Variants in GPC6 observed in about 807,000 individuals in gnomAD.
GPC6 encodes the protein glypican-6.
GPC6 carries 14 observed loss-of-function variants against 55.2 expected under a neutral mutation model. The ratio of observed to expected loss-of-function variants is 0.25; its 90% CI spans 0.17 to 0.40. GPC6 has a LOEUF of 0.40. Ranked by LOEUF, GPC6 falls within the 10% of genes least tolerant of loss-of-function variation. The pLI is 1.00. For synonymous variants in GPC6, 278 were observed against 259.6 expected (o/e 1.07, Z -0.68); for missense variants, 641 against 708.5 (o/e 0.90, Z 1.08).
chr13:94,227,599 C>A (rs773890327), intron 4 of GPC6, among the ~76,000 whole-genome samples: 1 of 152,054 alleles, frequency 6.6e-6, no homozygotes, highest in Non-Finnish European at 1.5e-5. Context: ...GTTTGTGTTC[C>A]CCACTCTATA....
At chr13:94,155,880 G>C (rs568544918) in intron 4 of GPC6, among the ~76,000 whole-genome samples, 4 of 152,110 alleles carry the variant, frequency 2.6e-5, no homozygotes, top group African/African-American at 9.7e-5. Context: ...AGGAACAAGA[G>C]GGGTAGAGAG....
intron 1 of GPC6, among the ~76,000 whole-genome samples, chr13:93,487,412 T>G (rs1381480478): frequency 3.3e-5 from 5 of 152,158 alleles, no homozygotes; most frequent in African/African-American, 9.7e-5. Context: ...TTTTCTCCTC[T>G]GTGTGTTCAT....
chr13:93,411,918 G>A (rs1250384377), intron 1 of GPC6, among the ~76,000 whole-genome samples: 2 of 151,508 alleles, frequency 1.3e-5, no homozygotes, highest in African/African-American at 4.9e-5. Flanking sequence ...CAGGAGAATT[G>A]CTTGAACCTG....
chr13:94,258,730 G>A (rs535083673), intron 4 of GPC6, among the ~76,000 whole-genome samples: 21 of 152,238 alleles, frequency 1.4e-4, no homozygotes, highest in African/African-American at 2.4e-4. Flanking sequence ...GGCTGGTTTC[G>A]TTGCAATAAT....
chr13:94,043,998 T>A (rs1377818404), intron 4 of GPC6, among the ~76,000 whole-genome samples: 1 of 151,802 alleles, frequency 6.6e-6, no homozygotes, highest in East Asian at 1.9e-4. Flanking sequence ...CTTGGTTTAT[T>A]TTAATTATTT....
At chr13:94,362,294 T>C (rs375414485) in intron 6 of GPC6, among the ~76,000 whole-genome samples, 65 of 152,320 alleles carry the variant, frequency 4.3e-4, no homozygotes, top group African/African-American at 1.5e-3. Context: ...CATGTAGCTT[T>C]ACTTGTCAGA....
At chr13:93,461,420 C>T (rs1169887475) in intron 1 of GPC6, among the ~76,000 whole-genome samples, 1 of 152,032 alleles carries the variant, frequency 6.6e-6, no homozygotes, top group East Asian at 1.9e-4. Context: ...ACTGCACTTA[C>T]AAGTAAAGTA....
At chr13:94,140,649 T>C (rs542251724) in intron 4 of GPC6, among the ~76,000 whole-genome samples, 1 of 152,268 alleles carries the variant, frequency 6.6e-6, no homozygotes, top group South Asian at 2.1e-4. Flanking sequence ...CCGAAGGCAC[T>C]GTCTTCAGCA....
chr13:94,210,780 T>C (rs1206939737), intron 4 of GPC6, among the ~76,000 whole-genome samples: 1 of 152,226 alleles, frequency 6.6e-6, no homozygotes, highest in Non-Finnish European at 1.5e-5. Context: ...ATTTATTTGG[T>C]ACTTAAAATC....
At chr13:93,302,514 T>C (rs1878716578) in intron 1 of GPC6, among the ~76,000 whole-genome samples, 1 of 152,182 alleles carries the variant, frequency 6.6e-6, no homozygotes, top group Non-Finnish European at 1.5e-5. Flanking sequence ...TGTTTGGGTA[T>C]AGTGTAAGTT....
intron 2 of GPC6, among the ~76,000 whole-genome samples, chr13:93,805,024 C>T (rs1434859274): frequency 3.3e-5 from 5 of 152,106 alleles, no homozygotes; most frequent in Admixed American, 3.3e-4. Context: ...ATCATTTTAC[C>T]TAGTAAGTAC....
At chr13:94,194,687 A>G (rs1369038995) in intron 4 of GPC6, among the ~76,000 whole-genome samples, 1 of 152,180 alleles carries the variant, frequency 6.6e-6, no homozygotes, top group East Asian at 1.9e-4. Flanking sequence ...TCAAAATCTC[A>G]CAAATCACCA....
intron 5 of GPC6, 115 bp downstream of exon 5, chr13:94,286,594 C>A (rs989896217): frequency 3.3e-6 from 3 of 908,116 alleles, no homozygotes; most frequent in African/African-American, 1.7e-5. Flanking sequence ...ATGCTGTCAG[C>A]GAGCTTTTCC....
chr13:93,624,996 T>C (rs975029726), intron 2 of GPC6, among the ~76,000 whole-genome samples: 1 of 152,226 alleles, frequency 6.6e-6, no homozygotes, highest in Non-Finnish European at 1.5e-5. Flanking sequence ...TCTATGACAT[T>C]ATTTGTCCTT....
chr13:94,361,466 C>T (rs1429323986), intron 6 of GPC6, among the ~76,000 whole-genome samples: 1 of 152,232 alleles, frequency 6.6e-6, no homozygotes, highest in Non-Finnish European at 1.5e-5. Context: ...GTTTTATAAA[C>T]TTTGTCTTCC....
At chr13:94,234,702 T>G (rs557074462) in intron 4 of GPC6, among the ~76,000 whole-genome samples, 1 of 152,130 alleles carries the variant, frequency 6.6e-6, no homozygotes, top group South Asian at 2.1e-4. Flanking sequence ...TTTCCAGTGT[T>G]TCAGGAAGTT....
At chr13:93,878,164 C>A (rs1300445095) in intron 3 of GPC6, among the ~76,000 whole-genome samples, 1 of 151,934 alleles carries the variant, frequency 6.6e-6, no homozygotes, top group Admixed American at 6.6e-5. Context: ...AAAAGAGGAG[C>A]AGTACTATGG....
chr13:93,574,353 G>C (rs944931449), intron 2 of GPC6, among the ~76,000 whole-genome samples: 4 of 152,132 alleles, frequency 2.6e-5, no homozygotes, highest in Admixed American at 6.6e-5. Context: ...CAGAGGAAGA[G>C]ATTGGTGTAT....
intron 2 of GPC6, among the ~76,000 whole-genome samples, chr13:93,572,968 G>A (rs973313653): frequency 1.2e-4 from 19 of 152,244 alleles, no homozygotes; most frequent in Admixed American, 1.2e-3. Flanking sequence ...ATTGTCCTGG[G>A]CACATCAGGT....
Sources: gnomAD v4.1 joint callset for allele counts (sites outside exome capture counted in the v4.1 genomes callset) on GRCh38, gnomAD v4.1.1 for gene constraint, MANE v1.5 for transcripts, NCBI Gene and HGNC (gene_info 2026-07-23, HGNC 2026-07-21) for gene names.